ABHD2: variants seen among roughly 807,000 people sequenced by gnomAD.
The protein encoded by ABHD2 is monoacylglycerol lipase ABHD2.
Under a neutral mutation model 48.1 loss-of-function variants are expected in ABHD2, and 20 were observed. That is an observed-to-expected ratio of 0.42 (90% CI 0.29 to 0.60). ABHD2 has a LOEUF of 0.60. Among genes scored for constraint, ABHD2 ranks in the 20% least tolerant of loss-of-function variants. ABHD2 has a pLI of 0.24. For synonymous variants in ABHD2, 209 were observed against 214.2 expected (o/e 0.98, Z 0.21); for missense variants, 405 against 550.9 (o/e 0.74, Z 2.65).
intron 3 of ABHD2, among the ~76,000 whole-genome samples, chr15:89,133,488 G>T (rs1329273140): frequency 6.6e-6 from 1 of 152,200 alleles, no homozygotes; most frequent in East Asian, 1.9e-4. Flanking sequence ...AGCACTGTGA[G>T]CACATTTCCC....
intron 3 of ABHD2, among the ~76,000 whole-genome samples, chr15:89,149,848 C>T (rs545000703): frequency 4.6e-5 from 7 of 152,286 alleles, no homozygotes; most frequent in African/African-American, 1.7e-4. Context: ...CAAGTGAGGA[C>T]CCATGCAGTG....
chr15:89,142,546 A>G (rs917778186), intron 3 of ABHD2, among the ~76,000 whole-genome samples: 4 of 152,182 alleles, frequency 2.6e-5, no homozygotes, highest in Non-Finnish European at 5.9e-5. Context: ...TTGCAGCTAA[A>G]TTAGAGCACG....
the ABHD2 span, among the ~76,000 whole-genome samples, chr15:89,053,827 G>A: frequency 6.6e-6 from 1 of 152,184 alleles, no homozygotes; most frequent in Non-Finnish European, 1.5e-5. Flanking sequence ...TCACATCTTT[G>A]CTTCTAGCGG....
At chr15:89,117,485 C>G (rs1003628005) in intron 3 of ABHD2, among the ~76,000 whole-genome samples, 1 of 152,248 alleles carries the variant, frequency 6.6e-6, no homozygotes, top group Non-Finnish European at 1.5e-5. Context: ...ATGACTGTGT[C>G]TTCCTCCAGG....
In ABHD2 at chr15:89,127,722, CATAT is replaced by C. The variant is rs72455898; in HGVS notation, c.194+11216_194+11219del. ...ATATATATACATATATATATATACA[CATAT>C]ATATATATATATATGTATATTTTAA... On this transcript the variant is annotated intron_variant, in intron 3 of 10. Coordinates refer to ENST00000352732, the MANE Select transcript of ABHD2 (RefSeq NM_152924.5). Among the ~76,000 whole-genome samples the C allele has an allele frequency of 2.4e-3, 321 of 133,114 alleles. 5 individuals carry two copies. Among genetic ancestry groups the C allele is most frequent in the South Asian group, 0.017 (76 of 4,506 alleles). 87.3% of individuals were successfully genotyped at this position (133,114 alleles called of 152,430 possible).
Position 89,143,640 on chromosome 15 carries a change from G to A in ABHD2, c.195-8037G>A, listed in dbSNP as rs543196623. On this transcript the variant is annotated intron_variant, in intron 3 of 10. Transcript: ENST00000352732. ...CGAAATTGCACCGAGCTGAGATTGC[G>A]CCATTGCACTCCAGCCTGGGCAATA... Among the ~76,000 whole-genome samples the A allele has an allele frequency of 4.8e-4, 72 of 151,328 alleles. 2 individuals are homozygous for A. In the South Asian group the frequency reaches 0.011, roughly 23 times the overall value.
At chr15:89,051,234 A>G in the ABHD2 span, among the ~76,000 whole-genome samples, 2 of 152,214 alleles carry the variant, frequency 1.3e-5, no homozygotes, top group Admixed American at 6.5e-5. Flanking sequence ...ACTCTGTCTC[A>G]ATAATAATAA....
upstream of ABHD2, among the ~76,000 whole-genome samples, chr15:89,084,272 C>T (rs1029784592): frequency 1.3e-5 from 2 of 150,096 alleles, no homozygotes; most frequent in African/African-American, 4.9e-5. This position sits in a 1 kb window ranked among gnomAD's most constrained non-coding sequence, Gnocchi z 4.4. Context: ...ACTGTCTGTA[C>T]TTTCCACTTA....
chr15:89,112,175 G>C (rs532999900), intron 1 of ABHD2, among the ~76,000 whole-genome samples: 2 of 152,128 alleles, frequency 1.3e-5, no homozygotes, highest in Admixed American at 6.5e-5. Flanking sequence ...GGTCTGAAGC[G>C]GGGCAGCCCT....
chr15:89,108,003 T>G (rs2049813776), intron 1 of ABHD2, among the ~76,000 whole-genome samples: 1 of 152,212 alleles, frequency 6.6e-6, no homozygotes. Context: ...ATTCACAGAA[T>G]GCAATTTGTA....
chr15:89,130,909 A>G (rs950919549), intron 3 of ABHD2, among the ~76,000 whole-genome samples: 6 of 152,216 alleles, frequency 3.9e-5, no homozygotes, highest in African/African-American at 1.4e-4. Flanking sequence ...CTTGAGAAGC[A>G]GCACACCTGT....
chr15:89,048,231 C>G, the ABHD2 span, among the ~76,000 whole-genome samples: 1 of 152,002 alleles, frequency 6.6e-6, no homozygotes, highest in African/African-American at 2.4e-5. Context: ...TTGGCCCCCA[C>G]TCTCTTCTGG....
chr15:89,090,881 T>C (rs1023624576), intron 1 of ABHD2, among the ~76,000 whole-genome samples: 2 of 152,168 alleles, frequency 1.3e-5, no homozygotes, highest in African/African-American at 4.8e-5. Flanking sequence ...AGTTCAGGGA[T>C]CATGTGTCAA....
At chr15:89,145,835 G>A (rs2050482685) in intron 3 of ABHD2, among the ~76,000 whole-genome samples, 1 of 152,134 alleles carries the variant, frequency 6.6e-6, no homozygotes, top group Non-Finnish European at 1.5e-5. Flanking sequence ...CAGCCCCCTG[G>A]TTTCTTTCTT....
At chr15:89,112,543 T>C (rs998203293) in intron 1 of ABHD2, among the ~76,000 whole-genome samples, 5 of 152,200 alleles carry the variant, frequency 3.3e-5, no homozygotes, top group Non-Finnish European at 7.3e-5. Flanking sequence ...CAGATAATAA[T>C]TGGAAGCTGG....
intron 1 of ABHD2, among the ~76,000 whole-genome samples, chr15:89,111,670 C>A (rs2049877190): frequency 6.6e-6 from 1 of 152,170 alleles, no homozygotes; most frequent in South Asian, 2.1e-4. Flanking sequence ...TAGATCTACC[C>A]CTCCAGAGCT....
At position 89,176,055 on chromosome 15, in the gene ABHD2, CG is replaced by C; in HGVS notation, c.722+61del. 6.8e-7 allele frequency: 1 copy of C among 1,480,014 alleles called. No individual in the cohort carries two copies. Among genetic ancestry groups the C allele is most frequent in the Non-Finnish European group, 9.1e-7 (1 of 1,094,506 alleles). 91.7% of individuals were successfully genotyped at this position (1,480,014 alleles called of 1,614,324 possible). On this transcript the variant is annotated intron_variant, in intron 6 of 10. Transcript: ENST00000352732. The surrounding 1 kb of genome is among the most constrained non-coding windows in gnomAD (Gnocchi z 4.5). ...TTAGCCCTTATTTATAGAGATGCCC[CG>C]ACGCACAACACACTGTTCTGTGAAG...
At chr15:89,118,476 T>A (rs1050426445) in intron 3 of ABHD2, among the ~76,000 whole-genome samples, 1 of 152,054 alleles carries the variant, frequency 6.6e-6, no homozygotes, top group African/African-American at 2.4e-5. Context: ...TCGGCCTGAA[T>A]TTTTTTTAAT....
intron 4 of ABHD2, among the ~76,000 whole-genome samples, chr15:89,152,201 G>A (rs538429977): frequency 6.6e-6 from 1 of 151,104 alleles, no homozygotes; most frequent in Non-Finnish European, 1.5e-5. Flanking sequence ...TCAGCCTCCC[G>A]AGTAGCTGGG....
Sources: gnomAD v4.1 joint callset for allele counts (sites outside exome capture counted in the v4.1 genomes callset) on GRCh38, gnomAD v4.1.1 for gene constraint, Gnocchi (gnomAD v3.1) non-coding constraint, MANE v1.5 for transcripts, NCBI Gene and HGNC (gene_info 2026-07-23, HGNC 2026-07-21) for gene names.